Variants in BRD7 observed in about 807,000 individuals in gnomAD.
BRD7 encodes bromodomain containing 7.
BRD7 carries 15 observed loss-of-function variants against 82.1 expected under a neutral mutation model. The observed-to-expected ratio is 0.18, with a 90% CI of 0.12 to 0.28. The LOEUF (loss-of-function observed/expected upper bound fraction) is 0.28, where lower values mean the gene tolerates loss of function less well. BRD7 is among the 10% of genes least tolerant of loss of function. BRD7 has a pLI of 1.00. For synonymous variants in BRD7, 232 were observed against 266.9 expected, an observed-to-expected ratio of 0.87 and a Z score of 1.27; for missense variants, 638 against 779.9, an observed-to-expected ratio of 0.82 and a Z score of 2.17.
At chr16:50,322,276 C>T (rs1264286601) in intron 12 of BRD7, among the ~76,000 whole-genome samples, 1 of 152,142 alleles carries the variant, frequency 6.6e-6, no homozygotes, top group East Asian at 1.9e-4. Flanking sequence ...AAGCTATATA[C>T]ATGTTTAAGA....
chr16:50,368,089 C>A lies in BRD7; in HGVS notation c.258+1G>T. The A allele has an allele frequency of 1.2e-6, 2 of 1,613,298 alleles. No individual in the cohort carries two copies. The highest frequency in any genetic ancestry group is 1.7e-6 in the Non-Finnish European group (2 of 1,179,508). ...AGCCAAAGCAATGTAACCACTTGTA[C>A]CTTAACTCTTCTCCGTTTTCTCCCC... On this transcript the variant is annotated splice_donor_variant, in intron 2 of 16. Coordinates refer to ENST00000394688, the MANE Select transcript of BRD7 (RefSeq NM_013263.5). LOFTEE classifies it high-confidence loss of function.
chr16:50,320,809 C>A, intron 13 of BRD7, 35 bp from the exon 14 acceptor site: 2 of 1,428,806 alleles, frequency 1.4e-6, no homozygotes, highest in Non-Finnish European at 2.0e-6. Flanking sequence ...ATTACTGGCG[C>A]TTGCTAAGCC....
intron 2 of BRD7, among the ~76,000 whole-genome samples, chr16:50,366,978 A>G (rs1051617701): frequency 6.6e-6 from 1 of 152,218 alleles, no homozygotes; most frequent in Non-Finnish European, 1.5e-5. Flanking sequence ...CATTACTCCT[A>G]CCTAGCCAAA....
chr16:50,347,063 C>T (rs142236707), intron 5 of BRD7, among the ~76,000 whole-genome samples: 2,462 of 152,266 alleles, frequency 0.016, 57 homozygotes, highest in African/African-American at 0.055. Context: ...TTATCCACCA[C>T]GATCAAGTTG....
In BRD7 at chr16:50,320,668, G is replaced by T. The variant is rs115288040; in HGVS notation, c.1607C>A (p.Ser536Tyr). ...NFGVPVEVFD[S>Y]EEAEIFQKKL... ...AACCCTCTGGAGACACTTACCTTCA[G>T]AGTCAAAAACTTCAACTGGAACGCC... Residue 536 changes from serine (S) to tyrosine (Y), a missense_variant, in exon 14 of 17, where the codon TCT becomes TAT. This residue lies in a region of BRD7 where 402 missense variants were observed against 500.8 expected (regional missense o/e 0.80). Transcript: ENST00000394688. 2.5e-6 allele frequency: 4 copies of T among 1,612,472 alleles called. No homozygotes were observed. Among genetic ancestry groups the T allele is most frequent in the Non-Finnish European group, 3.4e-6 (4 of 1,178,638 alleles).
At chr16:50,358,521 G>C (rs536025824) in intron 2 of BRD7, among the ~76,000 whole-genome samples, 1 of 147,072 alleles carries the variant, frequency 6.8e-6, no homozygotes, top group Non-Finnish European at 1.5e-5. Context: ...AGAACAAAAA[G>C]AATAAAGTAA....
intron 13 of BRD7, 51 bp downstream of exon 13, chr16:50,321,931 T>A (rs2037135259): frequency 6.6e-7 from 1 of 1,520,230 alleles, no homozygotes; most frequent in South Asian, 1.2e-5. Context: ...CTTCTCTTAC[T>A]CCCCTTATTT....
Position 50,333,659 on chromosome 16 carries a change from T to C in BRD7, c.926A>G (p.Asn309Ser). 1.9e-6 allele frequency: 3 copies of C among 1,607,606 alleles called. No individual in the cohort carries two copies. Among genetic ancestry groups the C allele is most frequent in the Non-Finnish European group, 2.6e-6 (3 of 1,175,772 alleles). The stretch of plus-strand genomic sequence containing the variant: ...CTGCTCCTGCTCTCTCTCTAAATTA[T>C]TGCTTTTAAACTTATCTTCAAGCAT... The part of the protein sequence containing the change: ...KDMLEDKFKS[N>S]NLEREQEQLD... Residue 309 changes from asparagine (N) to serine (S), a missense_variant, in exon 8 of 17, where the codon AAT (asparagine) becomes AGT (serine). This residue lies in a region of BRD7 where 402 missense variants were observed against 500.8 expected (regional missense o/e 0.80). Coordinates refer to ENST00000394688, the MANE Select transcript of BRD7 (RefSeq NM_013263.5).
intron 16 of BRD7, 138 bp downstream of exon 16, chr16:50,319,749 C>G: frequency 1.9e-6 from 2 of 1,071,568 alleles, no homozygotes; most frequent in Non-Finnish European, 1.3e-6. Context: ...ATGTTAGGGA[C>G]TTGAGCATCT....
intron 2 of BRD7, among the ~76,000 whole-genome samples, chr16:50,364,267 A>G (rs1051905453): frequency 2.6e-5 from 4 of 152,170 alleles, no homozygotes; most frequent in African/African-American, 9.7e-5. Flanking sequence ...AGAATCATAC[A>G]TACTCTAGCC....
chr16:50,355,013 T>C, intron 2 of BRD7, 91 bp from the exon 3 acceptor site: 1 of 1,414,166 alleles, frequency 7.1e-7, no homozygotes, highest in Non-Finnish European at 9.6e-7. Flanking sequence ...AAGACATCAT[T>C]GTAAAGAAAA....
chr16:50,366,791 G>A (rs1250747199), intron 2 of BRD7, among the ~76,000 whole-genome samples: 1 of 151,870 alleles, frequency 6.6e-6, no homozygotes, highest in East Asian at 1.9e-4. Flanking sequence ...TCATCTTCAC[G>A]AATTACTTTA....
chr16:50,321,858 C>T (rs2037131585), intron 13 of BRD7, 124 bp downstream of exon 13: 19 of 810,454 alleles, frequency 2.3e-5, no homozygotes, highest in Non-Finnish European at 3.6e-5. Context: ...TTCAGCTAGG[C>T]CCTCACAACT....
chr16:50,320,539 A>G, intron 14 of BRD7, 124 bp downstream of exon 14: 1 of 1,414,634 alleles, frequency 7.1e-7, no homozygotes, highest in Admixed American at 1.7e-5. Context: ...ATACCCATTC[A>G]TTTAACTTGG....
chr16:50,367,808 A>T (rs2039204518), intron 2 of BRD7, among the ~76,000 whole-genome samples: 2 of 152,178 alleles, frequency 1.3e-5, no homozygotes, highest in South Asian at 4.1e-4. Flanking sequence ...ATGACTTTTT[A>T]CCCTGCCTAG....
At chr16:50,326,847 G>A (rs2037361763) in intron 9 of BRD7, among the ~76,000 whole-genome samples, 2 of 152,156 alleles carry the variant, frequency 1.3e-5, no homozygotes, top group Admixed American at 1.3e-4. Context: ...AACGAGAACA[G>A]GCATTAGCCA....
In BRD7 at chr16:50,317,431, A is replaced by C. The variant is rs55881379; in HGVS notation, c.*1780T>G. 3 of 150,724 alleles carry C rather than the reference A, an allele frequency of 2.0e-5. No individual in the cohort carries two copies. Among genetic ancestry groups the C allele is most frequent in the Admixed American group, 6.6e-5 (1 of 15,246 alleles). 9.3% of individuals were successfully genotyped at this position (150,724 alleles called of 1,614,324 possible). A position where few individuals can be genotyped will look rare whatever the true frequency, so the allele number is the denominator to read the frequency against. ...CAAGTCAGGAAGGTTTCTGTTGCTA[A>C]TATAACATAGAAACACATTAGTGCA... On this transcript the variant is annotated 3_prime_UTR_variant, in exon 17 of 17. Transcript: ENST00000394688.
At chr16:50,324,692 G>C (rs2151137889) in intron 11 of BRD7, among the ~76,000 whole-genome samples, 1 of 152,262 alleles carries the variant, frequency 6.6e-6, no homozygotes, top group East Asian at 1.9e-4. Context: ...AGACTTATCT[G>C]ACCGATTTAA....
chr16:50,363,960 G>T (rs1170043844), intron 2 of BRD7, among the ~76,000 whole-genome samples: 1 of 151,946 alleles, frequency 6.6e-6, no homozygotes, highest in African/African-American at 2.4e-5. Flanking sequence ...CTACTCGGGA[G>T]ACTGAGGTGA....
Sources: gnomAD v4.1 joint callset for allele counts (sites outside exome capture counted in the v4.1 genomes callset) on GRCh38, gnomAD v4.1.1 for gene constraint, gnomAD v4.1.1 regional missense constraint, MANE v1.5 for transcripts, NCBI Gene and HGNC (gene_info 2026-07-23, HGNC 2026-07-21) for gene names.